Variants in VWA8 observed in about 807,000 individuals in gnomAD.
VWA8 encodes von Willebrand factor A domain-containing protein 8.
Under a neutral mutation model 241.5 loss-of-function variants are expected in VWA8, and 221 were observed. The ratio of observed to expected loss-of-function variants is 0.91; its 90% CI spans 0.82 to 1.02. The LOEUF is 1.02. VWA8 is among the 50% of genes least tolerant of loss of function. The pLI, the probability that VWA8 is intolerant of heterozygous loss-of-function variation, is 0.00. For missense variants in VWA8, 2,322 were observed against 2,328.7 expected (o/e 1.00, Z 0.06); for synonymous variants, 852 against 827.1 (o/e 1.03, Z -0.52).
intron 17 of VWA8, among the ~76,000 whole-genome samples, chr13:41,796,788 A>T (rs1401386164): frequency 7.3e-6 from 1 of 136,980 alleles, no homozygotes; most frequent in Non-Finnish European, 1.5e-5. Context: ...TTTAAAACTT[A>T]AAAAAAAAAA....
intron 12 of VWA8, among the ~76,000 whole-genome samples, chr13:41,857,216 T>A (rs2138037944): frequency 6.6e-6 from 1 of 152,328 alleles, no homozygotes; most frequent in South Asian, 2.1e-4. Flanking sequence ...TAGATAAGAT[T>A]TCTTCATTAT....
intron 42 of VWA8, among the ~76,000 whole-genome samples, chr13:41,582,728 TATAAC>T (rs10556392): frequency 0.15 from 22,688 of 152,126 alleles, 1,895 homozygotes; most frequent in East Asian, 0.28. Flanking sequence ...AATATGATCA[TATAAC>T]ATAATGATAC....
chr13:41,741,414 C>T (rs756554391), intron 21 of VWA8, among the ~76,000 whole-genome samples: 5 of 152,146 alleles, frequency 3.3e-5, no homozygotes, highest in Admixed American at 6.6e-5. Context: ...TGGTTATGGC[C>T]CATTCCTTAA....
rs772522331 is a variant in VWA8, at chr13:41,784,729, T to TATATAC, written c.2171-829_2171-828insGTATAT. On this transcript the variant is annotated intron_variant, in intron 18 of 44. Coordinates refer to ENST00000379310, the MANE Select transcript of VWA8 (RefSeq NM_015058.2). ...ATATATATATATATATATATATATA[T>TATATAC]ACACACACATATATATATATATATA... Among the ~76,000 whole-genome samples, 140 of 60,070 alleles carry TATATAC rather than the reference T, an allele frequency of 2.3e-3. 2 individuals are homozygous for TATATAC. The highest frequency in any genetic ancestry group is 3.0e-3 in the Admixed American group (16 of 5,326). 39.4% of individuals were successfully genotyped at this position (60,070 alleles called of 152,430 possible). A position where few individuals can be genotyped will look rare whatever the true frequency, so the allele number is the denominator to read the frequency against.
chr13:41,897,478 T>TA (rs140298222), intron 4 of VWA8, among the ~76,000 whole-genome samples: 35,193 of 152,140 alleles, frequency 0.23, 5,123 homozygotes, highest in Non-Finnish European at 0.31. Flanking sequence ...ACAGCCATTA[T>TA]AAAAAACAAT....
chr13:41,928,883 C>T (rs1593877082), intron 2 of VWA8, among the ~76,000 whole-genome samples: 4 of 149,384 alleles, frequency 2.7e-5, no homozygotes, highest in Middle Eastern at 3.5e-3. Context: ...AAAGTAAAGA[C>T]ATTACAACAG....
chr13:41,727,834 T>C (rs776953920), intron 23 of VWA8, among the ~76,000 whole-genome samples: 23 of 152,120 alleles, frequency 1.5e-4, no homozygotes, highest in Non-Finnish European at 2.8e-4. Context: ...AAAAACCTAG[T>C]CAACTCATTA....
At chr13:41,792,099 G>A (rs1869485545) in intron 17 of VWA8, among the ~76,000 whole-genome samples, 2 of 151,884 alleles carry the variant, frequency 1.3e-5, no homozygotes, top group Non-Finnish European at 2.9e-5. Flanking sequence ...TAATGAGGCT[G>A]AGCATGTTTT....
rs187472798 is a variant in VWA8, at chr13:41,845,762, C to G, written c.1426-12231G>C. ...TCACTCACTCATGTTCTCACCCACT[C>G]AAGTGGGATCTAAACATTGAGTACA... is the stretch of plus-strand genomic sequence containing the variant. On this transcript the variant is annotated intron_variant, in intron 12 of 44. Transcript: ENST00000379310. Among the ~76,000 whole-genome samples the G allele has an allele frequency of 9.2e-5, 14 of 152,260 alleles. No homozygotes were observed. In the East Asian group the frequency reaches 2.7e-3, roughly 29 times the overall value.
chr13:41,721,074 G>C (rs2045386181), intron 25 of VWA8, among the ~76,000 whole-genome samples: 3 of 152,138 alleles, frequency 2.0e-5, no homozygotes, highest in African/African-American at 7.2e-5. Flanking sequence ...AACAGAACAG[G>C]AAGGTTTCCC....
At chr13:41,623,898 A>G (rs1332443486) in intron 37 of VWA8, among the ~76,000 whole-genome samples, 2 of 151,898 alleles carry the variant, frequency 1.3e-5, no homozygotes, top group East Asian at 3.9e-4. Context: ...TTTCATAGGC[A>G]TAAAATAAGA....
At chr13:41,912,216 T>A (rs1191060974) in intron 2 of VWA8, 48 bp from the exon 3 acceptor site, 2 of 1,481,826 alleles carry the variant, frequency 1.3e-6, no homozygotes, top group Admixed American at 2.0e-5. Flanking sequence ...GTATTACTTA[T>A]AATATAAATC....
At chr13:41,696,582 T>C (rs1272924094) in intron 29 of VWA8, among the ~76,000 whole-genome samples, 1 of 152,220 alleles carries the variant, frequency 6.6e-6, no homozygotes, top group Non-Finnish European at 1.5e-5. Context: ...GCTATGTACT[T>C]GCCAGACAAG....
intron 1 of VWA8, among the ~76,000 whole-genome samples, chr13:41,953,744 G>A (rs1453348574): frequency 3.9e-5 from 6 of 152,156 alleles, no homozygotes; most frequent in Admixed American, 6.5e-5. Flanking sequence ...GGGAGGCGGA[G>A]GTTGCAGTGA....
Position 41,689,587 on chromosome 13 carries a change from C to A in VWA8, c.3977-79G>T, listed in dbSNP as rs1294463388. 9 of 1,309,588 alleles carry A rather than the reference C, an allele frequency of 6.9e-6. No individual in the cohort carries two copies. The Admixed American group carries it at 1.4e-4, about 20-fold the overall frequency. 81.1% of individuals were successfully genotyped at this position (1,309,588 alleles called of 1,614,324 possible). A position where few individuals can be genotyped will look rare whatever the true frequency, so the allele number is the denominator to read the frequency against. On this transcript the variant is annotated intron_variant, in intron 33 of 44. Coordinates refer to ENST00000379310, the MANE Select transcript of VWA8 (RefSeq NM_015058.2). ...ATTTTTTGCAAGATTTTATTCTCAA[C>A]AAGTCAAATGGAAAAGAACAAGTTA...
intron 21 of VWA8, among the ~76,000 whole-genome samples, chr13:41,756,025 C>A (rs2045692567): frequency 1.3e-5 from 2 of 151,652 alleles, no homozygotes; most frequent in Non-Finnish European, 1.5e-5. Context: ...AGAGTTTCAA[C>A]AATGCCAAAA....
chr13:41,620,305 C>T (rs903968525), intron 37 of VWA8, among the ~76,000 whole-genome samples: 4 of 151,972 alleles, frequency 2.6e-5, no homozygotes, highest in Non-Finnish European at 4.4e-5. Flanking sequence ...TCTGTGGGAT[C>T]GGTGGTGATA....
chr13:41,870,457 G>A (rs899091519), intron 9 of VWA8, among the ~76,000 whole-genome samples: 33 of 152,096 alleles, frequency 2.2e-4, no homozygotes, highest in Non-Finnish European at 3.7e-4. Context: ...TGGCCAACAT[G>A]GTGAAACCCC....
At chr13:41,805,640 C>T (rs936861363) in intron 17 of VWA8, among the ~76,000 whole-genome samples, 4 of 151,826 alleles carry the variant, frequency 2.6e-5, no homozygotes, top group Non-Finnish European at 5.9e-5. Flanking sequence ...ATGGAGAAAC[C>T]CCATCTCTAC....
Sources: allele counts gnomAD v4.1 joint callset (sites outside exome capture counted in the v4.1 genomes callset), GRCh38; gene constraint gnomAD v4.1.1; transcripts MANE v1.5; gene names NCBI Gene and HGNC (gene_info 2026-07-23, HGNC 2026-07-21).